UCHL5: variants seen among roughly 807,000 people sequenced by gnomAD.
UCHL5 encodes the protein ubiquitin carboxyl-terminal hydrolase isozyme L5.
A neutral mutation model predicts 53.8 loss-of-function variants in UCHL5; 34 were observed. That is an observed-to-expected ratio of 0.63 (90% CI 0.48 to 0.84). The LOEUF (loss-of-function observed/expected upper bound fraction) is 0.84. Ranked by LOEUF, UCHL5 falls within the 40% of genes least tolerant of loss-of-function variation. UCHL5 has a pLI of 0.00. For missense variants in UCHL5, 290 were observed against 385.6 expected, an observed-to-expected ratio of 0.75 and a Z score of 2.08; for synonymous variants, 111 against 126.3, an observed-to-expected ratio of 0.88 and a Z score of 0.81.
intron 3 of UCHL5, among the ~76,000 whole-genome samples, chr1:193,037,268 C>T (rs1055493721): frequency 3.3e-5 from 5 of 151,576 alleles, no homozygotes; most frequent in Non-Finnish European, 4.4e-5. Context: ...AAAAGAAAGA[C>T]GATCCAAATA....
At chr1:193,024,243 TA>T (rs201888142) in intron 7 of UCHL5, among the ~76,000 whole-genome samples, 37 of 141,152 alleles carry the variant, frequency 2.6e-4, no homozygotes, top group Admixed American at 2.8e-4. Flanking sequence ...CCCTGTCTCT[TA>T]AAAAAAAAAA....
At chr1:193,035,606 A>G (rs1663068309) in intron 3 of UCHL5, among the ~76,000 whole-genome samples, 1 of 152,122 alleles carries the variant, frequency 6.6e-6, no homozygotes, top group Admixed American at 6.5e-5. Flanking sequence ...CACTTCTTCA[A>G]TCTGAACAGA....
chr1:193,018,669 T>A (rs1259408357), intron 10 of UCHL5: 2 of 1,277,946 alleles, frequency 1.6e-6, no homozygotes, highest in African/African-American at 1.5e-5. Flanking sequence ...AATACTTTTA[T>A]GTCATCACAG....
intron 7 of UCHL5, among the ~76,000 whole-genome samples, 199 bp from the exon 8 acceptor site, chr1:193,024,145 A>G (rs1658218603): frequency 6.6e-6 from 1 of 152,032 alleles, no homozygotes. Context: ...GAGGCTCAGG[A>G]GCGGAGAGGA....
chr1:193,028,145 G>C lies in UCHL5; in HGVS notation c.569C>G (p.Ala190Gly), dbSNP rs752781635. The change falls in exon 7 of 11, where the codon GCA (alanine) becomes GGA (glycine). Residue 190 changes from alanine to glycine, a missense_variant. By Grantham distance (60) the Ala-to-Gly change is moderately conservative. Transcript: ENST00000367454. ...GLREGPIDLG[A>G]CNQDDWISAV... ...ACTGATCCAATCATCTTGATTGCATGCACCTAGAAAGAAATTTTAAAACAG... is the reference window on the plus strand; with the variant it reads ...ACTGATCCAATCATCTTGATTGCATCCACCTAGAAAGAAATTTTAAAACAG... 7.6e-6 allele frequency: 12 copies of C among 1,587,050 alleles called. No individual in the cohort carries two copies. The highest frequency in any genetic ancestry group is 1.0e-5 in the Non-Finnish European group (12 of 1,169,618).
chr1:193,059,786 T>C (rs762947133), upstream of UCHL5: 6 of 1,357,008 alleles, frequency 4.4e-6, no homozygotes, highest in Admixed American at 5.9e-5. The surrounding 1 kb of genome is among the most constrained non-coding windows in gnomAD (Gnocchi z 4.9). Flanking sequence ...GGTGAGGACA[T>C]TGCGGGAGGC....
rs138533806 is a variant in UCHL5 at position 193,020,932 on chromosome 1, A to G, written c.942+165T>C. Reference sequence around the variant, plus strand: ...TCTTTATTTTTGTTTTACAGTCTCAATTGAACTAATTCTTACAGAGTAGAA... The same window carrying G: ...TCTTTATTTTTGTTTTACAGTCTCAGTTGAACTAATTCTTACAGAGTAGAA... On this transcript the variant is annotated intron_variant, in intron 10 of 10. Transcript: ENST00000367454. Among the ~76,000 whole-genome samples, 1,499 of 152,148 alleles carry G rather than the reference A, an allele frequency of 9.9e-3. 13 individuals carry two copies. Among genetic ancestry groups the G allele is most frequent in the Non-Finnish European group, 0.016 (1,062 of 67,882 alleles).
chr1:193,052,264 A>G (rs1669294915), intron 1 of UCHL5, among the ~76,000 whole-genome samples: 1 of 151,974 alleles, frequency 6.6e-6, no homozygotes, highest in Non-Finnish European at 1.5e-5. Flanking sequence ...CCAACTGTAT[A>G]TTTTCAACTA....
At chr1:193,054,734 A>G (rs1670087129) in intron 1 of UCHL5, among the ~76,000 whole-genome samples, 1 of 152,200 alleles carries the variant, frequency 6.6e-6, no homozygotes, top group Admixed American at 6.5e-5. Flanking sequence ...TCCTCAAAAC[A>G]AGATGAAATG....
intron 3 of UCHL5, among the ~76,000 whole-genome samples, chr1:193,038,082 G>C (rs1228573371): frequency 6.6e-6 from 1 of 152,012 alleles, no homozygotes; most frequent in Non-Finnish European, 1.5e-5. Context: ...CAATACACTG[G>C]ATATGGAAGG....
intron 9 of UCHL5, among the ~76,000 whole-genome samples, chr1:193,022,664 CAAAAAAAAAAA>C: frequency 1.9e-5 from 1 of 53,984 alleles, no homozygotes; most frequent in South Asian, 5.8e-4. Context: ...AGACTCTGTC[CAAAAAAAAAAA>C]AAAAAAAGGA....
chr1:193,026,960 C>G (rs1204093492), intron 7 of UCHL5, among the ~76,000 whole-genome samples: 3 of 152,004 alleles, frequency 2.0e-5, no homozygotes, highest in South Asian at 4.2e-4. Context: ...GGAAGAATCT[C>G]CAAGAAATAA....
intron 2 of UCHL5, among the ~76,000 whole-genome samples, chr1:193,051,100 C>T (rs1294646424): frequency 6.6e-6 from 1 of 152,048 alleles, no homozygotes; most frequent in Non-Finnish European, 1.5e-5. Flanking sequence ...TTCCTAAGTC[C>T]CTATTTTCCC....
chr1:193,016,198 G>T lies in UCHL5; in HGVS notation c.*153C>A. On this transcript the variant is annotated 3_prime_UTR_variant, in exon 11 of 11. Coordinates refer to ENST00000367454, the MANE Select transcript of UCHL5 (RefSeq NM_001199261.3). ...TGCACATGATGCAGGTAGGGAAGAA[G>T]TTTATGAATCCATGCATTAAAGACA... is the stretch of plus-strand genomic sequence containing the variant. The T allele has an allele frequency of 1.3e-6, 1 of 774,022 alleles. No homozygotes were observed. Among genetic ancestry groups the T allele is most frequent in the Admixed American group, 2.7e-5 (1 of 36,842 alleles). 47.9% of individuals were successfully genotyped at this position (774,022 alleles called of 1,614,324 possible).
intron 3 of UCHL5, among the ~76,000 whole-genome samples, chr1:193,040,717 T>A (rs1045337212): frequency 1.3e-5 from 2 of 152,054 alleles, no homozygotes; most frequent in African/African-American, 4.8e-5. Flanking sequence ...GCACTATTAA[T>A]AATAGCCAAA....
At chr1:193,021,042 TTA>T in intron 10 of UCHL5, 53 bp downstream of exon 10, 1 of 1,325,710 alleles carries the variant, frequency 7.5e-7, no homozygotes. Flanking sequence ...AAAATACATT[TTA>T]TGTTTTTGGA....
chr1:193,018,159 T>C (rs887569288), intron 10 of UCHL5, among the ~76,000 whole-genome samples: 1 of 151,470 alleles, frequency 6.6e-6, no homozygotes, highest in African/African-American at 2.4e-5. Context: ...TATTAAGAAA[T>C]AGAAAAAGAT....
At chr1:193,020,101 GA>G (rs916391583) in intron 10 of UCHL5, 1 of 984,702 alleles carries the variant, frequency 1.0e-6, no homozygotes, top group Non-Finnish European at 1.2e-6. Flanking sequence ...ACCTATAATG[GA>G]AAAGAGAAGA....
chr1:193,024,062 T>C lies in UCHL5; in HGVS notation c.630-116A>G, dbSNP rs1048438241. Reference sequence around the variant, plus strand: ...TCTAGTATAAACAAAAGTCTATCAATTGGCTAGCAATAAAAATGGACACTT... The same window carrying C: ...TCTAGTATAAACAAAAGTCTATCAACTGGCTAGCAATAAAAATGGACACTT... On this transcript the variant is annotated intron_variant, in intron 7 of 10. Coordinates refer to ENST00000367454, the MANE Select transcript of UCHL5 (RefSeq NM_001199261.3). 24 of 762,120 alleles carry C rather than the reference T, an allele frequency of 3.1e-5. No homozygotes were observed. In the East Asian group the frequency reaches 6.1e-4, roughly 19 times the overall value. 47.2% of individuals were successfully genotyped at this position (762,120 alleles called of 1,614,324 possible).
Sources: gnomAD v4.1 joint callset for allele counts (sites outside exome capture counted in the v4.1 genomes callset) on GRCh38, gnomAD v4.1.1 for gene constraint, Gnocchi (gnomAD v3.1) non-coding constraint, MANE v1.5 for transcripts, NCBI Gene and HGNC (gene_info 2026-07-23, HGNC 2026-07-21) for gene names.